Variants in KLF15 observed in about 807,000 individuals in gnomAD.
KLF15 encodes KLF transcription factor 15.
In KLF15, 4 loss-of-function variants were observed where a neutral mutation model predicts 24.6. That is an observed-to-expected ratio of 0.16 (90% confidence interval 0.08 to 0.37). The LOEUF is 0.37. Among genes scored for constraint, KLF15 ranks in the 10% least tolerant of loss-of-function variants. The pLI is 1.00. For synonymous variants in KLF15, 246 were observed against 236.3 expected (o/e 1.04, Z -0.37); for missense variants, 496 against 560.6 (o/e 0.88, Z 1.16).
chr3:126,296,175 C>T, the KLF15 span, among the ~76,000 whole-genome samples: 35 of 152,260 alleles, frequency 2.3e-4, no homozygotes, highest in African/African-American at 7.9e-4. Flanking sequence ...GTTTCTCAGC[C>T]TCAGGGGGGC....
the KLF15 span, among the ~76,000 whole-genome samples, chr3:126,322,614 G>T: frequency 6.6e-6 from 1 of 152,166 alleles, no homozygotes; most frequent in East Asian, 1.9e-4. Context: ...ATCTTCCCAG[G>T]TTCTGGGGAT....
chr3:126,314,111 G>T, the KLF15 span, among the ~76,000 whole-genome samples: 1 of 152,072 alleles, frequency 6.6e-6, no homozygotes, highest in Non-Finnish European at 1.5e-5. Context: ...CTGGTCTCAG[G>T]CTGTGTCACT....
the KLF15 span, among the ~76,000 whole-genome samples, chr3:126,311,572 C>A: frequency 7.9e-4 from 121 of 152,304 alleles, no homozygotes; most frequent in Non-Finnish European, 1.4e-3. Context: ...AGAGTGAATT[C>A]CTCCCAGTTC....
At chr3:126,351,718 GCC>G (rs774902776) in intron 2 of KLF15, 121 bp downstream of exon 2, 3 of 1,066,370 alleles carry the variant, frequency 2.8e-6, no homozygotes, top group Non-Finnish European at 4.0e-6. Context: ...GCACCCGCCT[GCC>G]CCTCCCTCCC....
rs1160068070 is a variant in KLF15 at position 126,352,547 on chromosome 3, G to A, written c.376C>T (p.Pro126Ser). 6.2e-7 allele frequency: 1 copy of A among 1,612,962 alleles called. No homozygotes were observed. The highest frequency in any genetic ancestry group is 1.7e-5 in the Admixed American group (1 of 60,028). Reference sequence around the variant, plus strand: ...GGGACGTCATCAGGATCACCCAAAGGAAACTCGGGCAAGCAGAAATGCTCC... The same window carrying A: ...GGGACGTCATCAGGATCACCCAAAGAAAACTCGGGCAAGCAGAAATGCTCC... ...KGEHFCLPEF[P>S]LGDPDDVPRP... The change falls in exon 2 of 3, where the codon CCT becomes TCT. Residue 126 changes from proline to serine, a missense_variant. Transcript: ENST00000296233.
At chr3:126,339,223 C>A (rs562901738), downstream of KLF15, among the ~76,000 whole-genome samples, 1 of 152,336 alleles carries the variant, frequency 6.6e-6, no homozygotes. Context: ...CCCGAGCTGT[C>A]ATCATTTGTC....
chr3:126,347,047 G>T (rs187138841), intron 2 of KLF15, among the ~76,000 whole-genome samples: 1 of 152,130 alleles, frequency 6.6e-6, no homozygotes, highest in Non-Finnish European at 1.5e-5. Context: ...GTTGAGTGTT[G>T]GGCCTGGTTC....
intron 2 of KLF15, among the ~76,000 whole-genome samples, 181 bp from the exon 3 acceptor site, chr3:126,344,076 G>C (rs2082510258): frequency 6.6e-6 from 1 of 152,206 alleles, no homozygotes; most frequent in Admixed American, 6.5e-5. Flanking sequence ...GGCTATACCA[G>C]TTCTCAAAAT....
intron 2 of KLF15, 112 bp downstream of exon 2, chr3:126,351,729 C>T (rs1023119300): frequency 1.2e-5 from 11 of 938,628 alleles, no homozygotes; most frequent in Non-Finnish European, 1.5e-5. Context: ...CCCCTCCCTC[C>T]CCTCCCTCAT....
At chr3:126,353,037 C>T in intron 1 of KLF15, 90 bp from the exon 2 acceptor site, 2 of 1,395,186 alleles carry the variant, frequency 1.4e-6, no homozygotes, top group South Asian at 3.0e-5. Context: ...AGCTGCCTGC[C>T]CACAGCCTCC....
chr3:126,349,687 A>G (rs1343488139), intron 2 of KLF15, among the ~76,000 whole-genome samples: 2 of 152,166 alleles, frequency 1.3e-5, no homozygotes, highest in Non-Finnish European at 2.9e-5. Flanking sequence ...ACCCAGCCTC[A>G]CGGCATCTAG....
the KLF15 span, chr3:126,293,943 C>T: frequency 0.22 from 33,104 of 152,222 alleles, 3,727 homozygotes; most frequent in East Asian, 0.3. Flanking sequence ...GAGAGCTGGA[C>T]GGCAGGCAGG....
At chr3:126,341,975 C>T (rs1274412658), downstream of KLF15, among the ~76,000 whole-genome samples, 1 of 152,122 alleles carries the variant, frequency 6.6e-6, no homozygotes, top group Non-Finnish European at 1.5e-5. Context: ...ATAGCCCCTC[C>T]TTGTGCTTGG....
At chr3:126,319,366 T>G in the KLF15 span, among the ~76,000 whole-genome samples, 1 of 152,256 alleles carries the variant, frequency 6.6e-6, no homozygotes, top group Admixed American at 6.5e-5. Flanking sequence ...ATTGACGAGT[T>G]GTCTTCCAAG....
chr3:126,316,080 C>T, the KLF15 span, among the ~76,000 whole-genome samples: 5 of 152,192 alleles, frequency 3.3e-5, no homozygotes, highest in Non-Finnish European at 5.9e-5. Flanking sequence ...TTGTAAGAGA[C>T]AAGAATTCAA....
In KLF15 at chr3:126,356,971, G is replaced by A. The variant is rs2082638119; in HGVS notation, c.-26+266C>T. Among the ~76,000 whole-genome samples, 1 of 151,652 alleles carries A rather than the reference G, an allele frequency of 6.6e-6. No homozygotes were observed. The highest frequency in any genetic ancestry group is 2.1e-4 in the South Asian group (1 of 4,820). On this transcript the variant is annotated intron_variant, in intron 1 of 2. Coordinates refer to ENST00000296233, the MANE Select transcript of KLF15 (RefSeq NM_014079.4). This position sits in a 1 kb window ranked among gnomAD's most constrained non-coding sequence, Gnocchi z 4.4. ...GGCCCGCAAGGCGCGCCACGGAATC[G>A]CCCGGCCAGGCACCGAGGCGGCGGC...
At chr3:126,306,014 C>G in the KLF15 span, among the ~76,000 whole-genome samples, 1 of 152,212 alleles carries the variant, frequency 6.6e-6, no homozygotes, top group Non-Finnish European at 1.5e-5. Flanking sequence ...TTCTTTCCTT[C>G]ACTCACTGAC....
the KLF15 span, among the ~76,000 whole-genome samples, chr3:126,333,702 G>A: frequency 1.4e-5 from 2 of 145,634 alleles, no homozygotes; most frequent in East Asian, 2.0e-4. Context: ...ACACACATAG[G>A]CTCAAAATAA....
At chr3:126,321,431 C>T in the KLF15 span, among the ~76,000 whole-genome samples, 1 of 152,240 alleles carries the variant, frequency 6.6e-6, no homozygotes, top group Non-Finnish European at 1.5e-5. Flanking sequence ...GGCTCCTGCT[C>T]CAGGCAGAGC....
Sources: allele counts gnomAD v4.1 joint callset (sites outside exome capture counted in the v4.1 genomes callset), GRCh38; gene constraint gnomAD v4.1.1; non-coding constraint Gnocchi (gnomAD v3.1); transcripts MANE v1.5; gene names NCBI Gene and HGNC (gene_info 2026-07-23, HGNC 2026-07-21).